Variants in ZNF618 observed in about 807,000 individuals in gnomAD.
ZNF618 encodes the protein zinc finger protein 618.
ZNF618 carries 34 observed loss-of-function variants against 103.0 expected under a neutral mutation model. That is an observed-to-expected ratio of 0.33 (90% confidence interval 0.25 to 0.44). ZNF618 has a LOEUF of 0.44. Among genes scored for constraint, ZNF618 ranks in the 20% least tolerant of loss-of-function variants. The probability of loss-of-function intolerance (pLI) is 1.00; values close to 1 mark genes in which losing one functional copy is unlikely to be tolerated. For synonymous variants in ZNF618, 551 were observed against 542.2 expected, an observed-to-expected ratio of 1.02 and a Z score of -0.23; for missense variants, 1,059 against 1,295.4, an observed-to-expected ratio of 0.82 and a Z score of 2.80.
chr9:114,002,510 G>C, intron 5 of ZNF618, 114 bp from the exon 6 acceptor site: 1 of 1,200,892 alleles, frequency 8.3e-7, no homozygotes, highest in Non-Finnish European at 1.2e-6. Flanking sequence ...CAGGGGCCCG[G>C]TGCGGGACTG....
At chr9:113,928,418 C>T (rs139941000) in intron 1 of ZNF618, among the ~76,000 whole-genome samples, 1 of 152,164 alleles carries the variant, frequency 6.6e-6, no homozygotes, top group Non-Finnish European at 1.5e-5. Flanking sequence ...TAAGCCAGTT[C>T]TGATGTCTGC....
rs1314878450 is a variant in ZNF618 at position 114,028,732 on chromosome 9, G to T, written c.845-1G>T. The T allele has an allele frequency of 6.5e-7, 1 of 1,549,906 alleles. No homozygotes were observed. The highest frequency in any genetic ancestry group is 8.7e-7 in the Non-Finnish European group (1 of 1,146,710). On this transcript the variant is annotated splice_acceptor_variant, in intron 10 of 14. Coordinates refer to ENST00000374126, the MANE Select transcript of ZNF618 (RefSeq NM_001318042.2). LOFTEE classifies it high-confidence loss of function. ...GGGGACTGAGAGCGTGACCCTCTCA[G>T]GTACTGCCCCCGGGTGGGAGCCACC... is the stretch of plus-strand genomic sequence containing the variant.
rs748306518 is a variant in ZNF618, at chr9:114,049,717, C to T, written c.2415C>T (p.Ala805=). ...AGGTGCACCCGGCCCACAAGGTGGC[C>T]ATGATCCTGGACCCGCAGCAGAAGC... is the stretch of plus-strand genomic sequence containing the variant. ...NFKVHPAHKV[A]MILDPQQKLR... The change falls in exon 15 of 15, where the codon GCC becomes GCT. Residue 805 remains alanine, a synonymous_variant. Transcript: ENST00000374126. The T allele has an allele frequency of 1.4e-5, 22 of 1,613,736 alleles. No homozygotes were observed. The highest frequency in any genetic ancestry group is 3.3e-5 in the South Asian group (3 of 91,088).
At chr9:114,002,104 G>T in intron 5 of ZNF618, 31 bp downstream of exon 5, 2 of 1,597,890 alleles carry the variant, frequency 1.3e-6, no homozygotes, top group Non-Finnish European at 1.7e-6. Context: ...GCAGAGCCCA[G>T]GGGCCGCACC....
intron 1 of ZNF618, among the ~76,000 whole-genome samples, chr9:113,876,774 C>T (rs1440403660): frequency 6.6e-6 from 1 of 150,744 alleles, no homozygotes; most frequent in Non-Finnish European, 1.5e-5. Flanking sequence ...CCCCCTCCCC[C>T]CCAAATTTGC....
At position 114,032,666 on chromosome 9, in the gene ZNF618, G is replaced by A. The variant is rs1169748614; in HGVS notation, c.1106G>A (p.Arg369Lys). 1 of 1,613,914 alleles carries A rather than the reference G, an allele frequency of 6.2e-7. No individual in the cohort carries two copies. Among genetic ancestry groups the A allele is most frequent in the Admixed American group, 1.7e-5 (1 of 60,008 alleles). Residue 369 changes from arginine (R) to lysine (K), a missense_variant, in exon 12 of 15, where the codon AGA becomes AAA. Arg to Lys is a conservative substitution (Grantham distance 26, BLOSUM62 2). This residue lies in a region of ZNF618 where 434 missense variants were observed against 476.0 expected (regional missense o/e 0.91). Transcript: ENST00000374126. ...CCAGCAGAAAGCGCTTTCAGTCGGA[G>A]AGTAGAAGGCAAAGCACAAAACCAC... is the stretch of plus-strand genomic sequence containing the variant. ...ATAAESAFSR[R>K]VEGKAQNHFE...
chr9:114,000,337 C>T (rs942577744), intron 4 of ZNF618, among the ~76,000 whole-genome samples: 8 of 152,060 alleles, frequency 5.3e-5, no homozygotes, highest in African/African-American at 1.7e-4. Flanking sequence ...AGGTTGTGTC[C>T]GAGATCAAAA....
At position 113,876,412 on chromosome 9, in the gene ZNF618, A is replaced by G; in HGVS notation, c.32A>G (p.Gln11Arg). The change falls in exon 1 of 15, where the codon CAG becomes CGG. Residue 11 changes from glutamine to arginine, a missense_variant and splice_region_variant. By Grantham distance (43) the Gln-to-Arg change is conservative. This residue lies in a region of ZNF618 where 194 missense variants were observed against 209.0 expected (regional missense o/e 0.93). Coordinates refer to ENST00000374126, the MANE Select transcript of ZNF618 (RefSeq NM_001318042.2). MNQPGGAAAP[Q>R]ADGASAAGRK... ...CAGCCGGGCGGCGCGGCGGCTCCGC[A>G]GGTACGACGGGGGGCCGGGGGCATG... 1 of 1,199,774 alleles carries G rather than the reference A, an allele frequency of 8.3e-7. No homozygotes were observed. Among genetic ancestry groups the G allele is most frequent in the Non-Finnish European group, 1.0e-6 (1 of 967,978 alleles). The allele number at this position is 1,199,774 out of a possible 1,614,324, so 74.3% of individuals were successfully genotyped here.
At chr9:113,980,041 A>G (rs550760476) in intron 2 of ZNF618, among the ~76,000 whole-genome samples, 14 of 152,270 alleles carry the variant, frequency 9.2e-5, no homozygotes, top group African/African-American at 3.4e-4. Context: ...TGGATTCTGG[A>G]CATACTTTGA....
At chr9:113,973,455 G>C (rs1377245063) in intron 2 of ZNF618, among the ~76,000 whole-genome samples, 1 of 152,178 alleles carries the variant, frequency 6.6e-6, no homozygotes, top group Non-Finnish European at 1.5e-5. Context: ...GGCTGCTACG[G>C]AATTAGTGTT....
At chr9:114,011,593 G>A (rs1416054764) in intron 9 of ZNF618, among the ~76,000 whole-genome samples, 1 of 152,216 alleles carries the variant, frequency 6.6e-6, no homozygotes, top group Non-Finnish European at 1.5e-5. Context: ...CTACGTATAA[G>A]CAGGCCAATG....
chr9:114,039,081 T>G (rs537908508), intron 13 of ZNF618, among the ~76,000 whole-genome samples: 4 of 152,310 alleles, frequency 2.6e-5, no homozygotes, highest in Non-Finnish European at 5.9e-5. Flanking sequence ...ATAGATAGGA[T>G]TCCAGTTCTC....
chr9:113,924,418 CTTCTTCTTT>C (rs781113872), intron 1 of ZNF618, among the ~76,000 whole-genome samples: 2 of 138,278 alleles, frequency 1.4e-5, no homozygotes, highest in Non-Finnish European at 3.1e-5. Flanking sequence ...TCTTCTTCTT[CTTCTTCTTT>C]TTTTTTTTTT....
intron 2 of ZNF618, among the ~76,000 whole-genome samples, chr9:113,984,923 A>C (rs976182098): frequency 2.6e-5 from 4 of 152,194 alleles, no homozygotes; most frequent in Non-Finnish European, 5.9e-5. Context: ...ATTACTGAAC[A>C]GTGGTAGAGC....
At position 113,997,987 on chromosome 9, in the gene ZNF618, T is replaced by G. The variant is rs868018623; in HGVS notation, c.338-272T>G. On this transcript the variant is annotated intron_variant, in intron 3 of 14. Transcript: ENST00000374126. ...TTGCTGGAGGGTTTTTGGGTAGAAA[T>G]TGTGTGTTCTAACCATATGTTGAAT... Among the ~76,000 whole-genome samples, 7 of 152,184 alleles carry G rather than the reference T, an allele frequency of 4.6e-5. No homozygotes were observed. The South Asian group carries it at 1.4e-3, about 31-fold the overall frequency.
intron 2 of ZNF618, among the ~76,000 whole-genome samples, chr9:113,976,680 T>C (rs1275696100): frequency 7.9e-5 from 12 of 152,176 alleles, no homozygotes; most frequent in Non-Finnish European, 2.9e-5. Flanking sequence ...AGGGTGACCT[T>C]GTCCCCCACT....
chr9:113,925,583 T>C (rs1387978065), intron 1 of ZNF618, among the ~76,000 whole-genome samples: 1 of 152,080 alleles, frequency 6.6e-6, no homozygotes, highest in Non-Finnish European at 1.5e-5. Context: ...TGTTCTTTGT[T>C]TCTTCTTTTG....
chr9:113,975,902 T>C (rs1838422802), intron 2 of ZNF618, among the ~76,000 whole-genome samples: 1 of 152,128 alleles, frequency 6.6e-6, no homozygotes, highest in Non-Finnish European at 1.5e-5. Flanking sequence ...TTTCCAGAAA[T>C]ATTCTCACCC....
At chr9:113,992,379 A>G (rs564296272) in intron 3 of ZNF618, among the ~76,000 whole-genome samples, 27 of 152,090 alleles carry the variant, frequency 1.8e-4, no homozygotes, top group African/African-American at 6.5e-4. Context: ...CACAACACCT[A>G]CCTCCTACCT....
Sources: gnomAD v4.1 joint callset for allele counts (sites outside exome capture counted in the v4.1 genomes callset) on GRCh38, gnomAD v4.1.1 for gene constraint, gnomAD v4.1.1 regional missense constraint, MANE v1.5 for transcripts, NCBI Gene and HGNC (gene_info 2026-07-23, HGNC 2026-07-21) for gene names.